The following ITPR3 variants were observed in gnomAD, a reference collection of about 807,000 sequenced individuals.
ITPR3 encodes the protein inositol 1,4,5-trisphosphate-gated calcium channel ITPR3.
A neutral mutation model predicts 293.2 loss-of-function variants in ITPR3; 173 were observed. That is an observed-to-expected ratio of 0.59 (90% CI 0.52 to 0.67). The LOEUF is 0.67. Among genes scored for constraint, ITPR3 ranks in the 30% least tolerant of loss-of-function variants. The probability of loss-of-function intolerance (pLI) is 0.00; values close to 1 mark genes in which losing one functional copy is unlikely to be tolerated. For synonymous variants in ITPR3, 1,295 were observed against 1,444.4 expected, an observed-to-expected ratio of 0.90 and a Z score of 2.35; for missense variants, 2,796 against 3,592.1, an observed-to-expected ratio of 0.78 and a Z score of 5.66.
chr6:33,682,699 TG>T lies in ITPR3; in HGVS notation c.4597+59del. Reference sequence around the variant, plus strand: ...AAACCACTCCTCCTGCCGCTCACAGTGGGGACGCCTGCCCTCCTAATAAACA... The same window carrying T: ...AAACCACTCCTCCTGCCGCTCACAGTGGGACGCCTGCCCTCCTAATAAACA... On this transcript the variant is annotated intron_variant, in intron 34 of 57. Transcript: ENST00000605930. This position sits in a 1 kb window ranked among gnomAD's most constrained non-coding sequence, Gnocchi z 5.4. The T allele has an allele frequency of 1.3e-6, 2 of 1,549,864 alleles. No individual in the cohort carries two copies. Among genetic ancestry groups the T allele is most frequent in the Non-Finnish European group, 8.7e-7 (1 of 1,156,046 alleles).
chr6:33,668,486 C>G, intron 16 of ITPR3, 29 bp from the exon 17 acceptor site: 1 of 1,613,980 alleles, frequency 6.2e-7, no homozygotes, highest in Non-Finnish European at 8.5e-7. Context: ...CTGAGACCCT[C>G]TTCCCACCGC....
chr6:33,658,842 C>A lies in ITPR3; in HGVS notation c.528+14C>A, dbSNP rs369289115. 1.9e-6 allele frequency: 3 copies of A among 1,613,770 alleles called. No individual in the cohort carries two copies. The South Asian group carries it at 3.3e-5, about 18-fold the overall frequency. ...AACGGGGACAACGTGAGGGCAGGGC[C>A]AGGGTTGGAGGGGCCTGGTGGAACT... On this transcript the variant is annotated intron_variant, in intron 5 of 57. Coordinates refer to ENST00000605930, the MANE Select transcript of ITPR3 (RefSeq NM_002224.4). This position sits in a 1 kb window ranked among gnomAD's most constrained non-coding sequence, Gnocchi z 6.1.
At position 33,664,863 on chromosome 6, in the gene ITPR3, C is replaced by A. The variant is rs760177206; in HGVS notation, c.1149-7C>A. ...CCCCGAGTCCTTTCCCTCCCACCCA[C>A]CTGCAGGAACTCGTACGTCCGGCTG... On this transcript the variant is annotated splice_polypyrimidine_tract_variant and splice_region_variant and intron_variant, in intron 11 of 57. Transcript: ENST00000605930. The surrounding 1 kb of genome is among the most constrained non-coding windows in gnomAD (Gnocchi z 4.4). 23 of 1,613,176 alleles carry A rather than the reference C, an allele frequency of 1.4e-5. No individual in the cohort carries two copies. The highest frequency in any genetic ancestry group is 1.9e-5 in the Non-Finnish European group (23 of 1,179,782).
Position 33,621,345 on chromosome 6 carries a change from G to A in ITPR3, c.-258G>A, listed in dbSNP as rs966944378. On this transcript the variant is annotated 5_prime_UTR_variant, in exon 1 of 58. Transcript: ENST00000605930. The surrounding 1 kb of genome is among the most constrained non-coding windows in gnomAD (Gnocchi z 7.7). ...CCAGACTTCCTGCTCCTTCTACGCT[G>A]CAGGTACGCGCGGGCCGGGCGGGGC... 8 of 217,938 alleles carry A rather than the reference G, an allele frequency of 3.7e-5. No homozygotes were observed. Among genetic ancestry groups the A allele is most frequent in the Non-Finnish European group, 7.1e-5 (8 of 112,426 alleles). The allele number at this position is 217,938 out of a possible 1,614,324, so 13.5% of individuals were successfully genotyped here.
At position 33,684,270 on chromosome 6, in the gene ITPR3, G is replaced by T. The variant is rs1765163005; in HGVS notation, c.4938-87G>T. 1.9e-6 allele frequency: 3 copies of T among 1,591,530 alleles called. No individual in the cohort carries two copies. The South Asian group carries it at 3.3e-5, about 18-fold the overall frequency. On this transcript the variant is annotated intron_variant, in intron 36 of 57. Transcript: ENST00000605930. This position sits in a 1 kb window ranked among gnomAD's most constrained non-coding sequence, Gnocchi z 4.2. ...CAGGCTCACTGGGTCAGAGGGCCTG[G>T]GGGTGTTCCTGCCTGGGATGGGGTG...
At chr6:33,637,012 T>C (rs899553319) in intron 1 of ITPR3, among the ~76,000 whole-genome samples, 10 of 152,206 alleles carry the variant, frequency 6.6e-5, no homozygotes, top group African/African-American at 9.7e-5. Flanking sequence ...AACATCTCTA[T>C]ACCCTGGTTT....
At position 33,683,692 on chromosome 6, in the gene ITPR3, G is replaced by A. The variant is rs545493072; in HGVS notation, c.4788+295G>A. 3.9e-5 allele frequency among the ~76,000 whole-genome samples: 6 copies of A among 152,314 alleles called. No homozygotes were observed. In the South Asian group the frequency reaches 1.2e-3, roughly 32 times the overall value. On this transcript the variant is annotated intron_variant, in intron 35 of 57. Transcript: ENST00000605930. The surrounding 1 kb of genome is among the most constrained non-coding windows in gnomAD (Gnocchi z 4.5). ...ACTCCTGCAGCGCCCTCCTGTCTAT[G>A]CAGCACATTTCTGTGCGCTGTCTCG... is the stretch of plus-strand genomic sequence containing the variant.
chr6:33,655,768 T>C lies in ITPR3; in HGVS notation c.163T>C (p.Cys55Arg). ...LDNPPKKFRD[C>R]LFKVCPMNRY... ...ACCCCCAACCTGCCCCACCACAGACTGCCTCTTCAAGGTGTGCCCCATGAA... is the reference window on the plus strand; with the variant it reads ...ACCCCCAACCTGCCCCACCACAGACCGCCTCTTCAAGGTGTGCCCCATGAA... The change falls in exon 3 of 58, where the codon TGC (cysteine) becomes CGC (arginine). Residue 55 changes from cysteine to arginine, a missense_variant and splice_region_variant. Cys to Arg is a radical substitution (Grantham distance 180, BLOSUM62 -3). Transcript: ENST00000605930. This position sits in a 1 kb window ranked among gnomAD's most constrained non-coding sequence, Gnocchi z 4.9. 2 of 1,614,048 alleles carry C rather than the reference T, an allele frequency of 1.2e-6. No homozygotes were observed. Among genetic ancestry groups the C allele is most frequent in the Non-Finnish European group, 1.7e-6 (2 of 1,179,958 alleles).
At chr6:33,657,878 TC>T (rs1764351429) in intron 3 of ITPR3, 53 bp from the exon 4 acceptor site, 1 of 1,500,968 alleles carries the variant, frequency 6.7e-7, no homozygotes, top group Non-Finnish European at 9.2e-7. Context: ...GGGTATGTCT[TC>T]CTCTAGGAGC....
chr6:33,660,932 A>G (rs1764446612), intron 7 of ITPR3, among the ~76,000 whole-genome samples: 1 of 150,476 alleles, frequency 6.6e-6, no homozygotes, highest in Non-Finnish European at 1.5e-5. Flanking sequence ...CTCCTTCTCA[A>G]AAAAAACAAA....
intron 50 of ITPR3, 58 bp from the exon 51 acceptor site, chr6:33,689,976 G>A (rs1241476754): frequency 5.6e-6 from 9 of 1,597,632 alleles, no homozygotes; most frequent in South Asian, 2.2e-5. Flanking sequence ...GGGGACATGC[G>A]TGCAGATTCA....
rs375181030 is a variant in ITPR3 at position 33,685,640 on chromosome 6, C to T, written c.5483-3C>T. The T allele has an allele frequency of 1.5e-5, 24 of 1,582,312 alleles. No homozygotes were observed. Among genetic ancestry groups the T allele is most frequent in the Admixed American group, 8.6e-5 (5 of 58,338 alleles). On this transcript the variant is annotated splice_region_variant and splice_polypyrimidine_tract_variant and intron_variant, in intron 40 of 57. Coordinates refer to ENST00000605930, the MANE Select transcript of ITPR3 (RefSeq NM_002224.4). ...CTCCAGCCTCACCAGGTCTCGCCCA[C>T]AGGCCGCGTGGCCTCCTTCTCGATA...
Position 33,633,765 on chromosome 6 carries a change from C to T in ITPR3, c.90-6719C>T, listed in dbSNP as rs1234894181. Among the ~76,000 whole-genome samples the T allele has an allele frequency of 1.8e-5, 2 of 111,478 alleles. No homozygotes were observed. Among genetic ancestry groups the T allele is most frequent in the Non-Finnish European group, 3.8e-5 (2 of 53,238 alleles). 73.1% of individuals were successfully genotyped at this position (111,478 alleles called of 152,430 possible). On this transcript the variant is annotated intron_variant, in intron 1 of 57. Transcript: ENST00000605930. The surrounding 1 kb of genome is among the most constrained non-coding windows in gnomAD (Gnocchi z 5.2). ...TTCGCCGCGGGGGCGGGGGCGGGGC[C>T]GGGGCCGGGGCCGGACGCCCGGAGC...
Position 33,680,571 on chromosome 6 carries a change from A to G in ITPR3, c.4367A>G (p.Glu1456Gly), listed in dbSNP as rs762588237. The part of the protein sequence containing the change: ...LDMARVCSKR[E>G]KRVADPTLEK... ...CTGCCTCAGGTCTGCAGCAAGCGTG[A>G]GAAGCGCGTGGCTGACCCCACCTTG... Residue 1456 changes from glutamate (E) to glycine (G), a missense_variant, in exon 33 of 58, where the codon GAG becomes GGG. By Grantham distance (98) the Glu-to-Gly change is moderately conservative. This residue lies in a region of ITPR3 where 344 missense variants were observed against 460.3 expected (regional missense o/e 0.75). Transcript: ENST00000605930. 1.2e-6 allele frequency: 2 copies of G among 1,613,998 alleles called. No homozygotes were observed. Among genetic ancestry groups the G allele is most frequent in the East Asian group, 4.5e-5 (2 of 44,862 alleles).
At position 33,684,412 on chromosome 6, in the gene ITPR3, G is replaced by A; in HGVS notation, c.4993G>A (p.Val1665Met). 1 of 1,614,118 alleles carries A rather than the reference G, an allele frequency of 6.2e-7. No homozygotes were observed. The highest frequency in any genetic ancestry group is 8.5e-7 in the Non-Finnish European group (1 of 1,179,996). The change falls in exon 37 of 58, where the codon GTG becomes ATG. Residue 1665 changes from valine (V) to methionine (M), a missense_variant. Coordinates refer to ENST00000605930, the MANE Select transcript of ITPR3 (RefSeq NM_002224.4). The surrounding 1 kb of genome is among the most constrained non-coding windows in gnomAD (Gnocchi z 4.2). Reference sequence around the variant, plus strand: ...GTCGGAGGAGAAGCTGTGCATCAAGGTGCTGCGGACCCTGCAGCAGATGCT... The same window carrying A: ...GTCGGAGGAGAAGCTGTGCATCAAGATGCTGCGGACCCTGCAGCAGATGCT... ...MESEEKLCIKVLRTLQQMLLK... is the reference protein window; with the variant it reads ...MESEEKLCIKMLRTLQQMLLK...
Position 33,693,612 on chromosome 6 carries a change from CAT to C in ITPR3, c.7693_7694del (p.Met2565ValfsTer22). The part of the protein sequence containing the change: ...FEEHIKLEHN[M>X]WNYLYFIVLV... Reference sequence around the variant, plus strand: ...AGGAACACATCAAGCTGGAGCACAACATGTGGAACTACTTGTACTTCATTGTG... The same window carrying C: ...AGGAACACATCAAGCTGGAGCACAACGTGGAACTACTTGTACTTCATTGTG... On this transcript the variant is annotated frameshift_variant, in exon 56 of 58. Transcript: ENST00000605930. LOFTEE classifies it high-confidence loss of function. The C allele has an allele frequency of 6.2e-7, 1 of 1,614,186 alleles. No homozygotes were observed. Among genetic ancestry groups the C allele is most frequent in the Non-Finnish European group, 8.5e-7 (1 of 1,179,998 alleles).
chr6:33,660,202 G>A (rs1263427854), intron 7 of ITPR3, among the ~76,000 whole-genome samples: 1 of 152,128 alleles, frequency 6.6e-6, no homozygotes, highest in Non-Finnish European at 1.5e-5. Flanking sequence ...ACCAGCAGAC[G>A]GGGTGTAGAC....
At chr6:33,662,873 C>A (rs1167713009) in intron 8 of ITPR3, 38 bp from the exon 9 acceptor site, 1 of 1,554,452 alleles carries the variant, frequency 6.4e-7, no homozygotes, top group Non-Finnish European at 8.7e-7. Flanking sequence ...CATGCCTGTC[C>A]AGTCTCTCCT....
At chr6:33,681,436 G>A (rs1313257981) in intron 33 of ITPR3, among the ~76,000 whole-genome samples, 1 of 152,172 alleles carries the variant, frequency 6.6e-6, no homozygotes, top group Non-Finnish European at 1.5e-5. Flanking sequence ...CCTTCTGAAG[G>A]CCTAAGCAGA....
Sources: allele counts gnomAD v4.1 joint callset (sites outside exome capture counted in the v4.1 genomes callset), GRCh38; gene constraint gnomAD v4.1.1; regional missense constraint gnomAD v4.1.1; non-coding constraint Gnocchi (gnomAD v3.1); transcripts MANE v1.5; gene names NCBI Gene and HGNC (gene_info 2026-07-23, HGNC 2026-07-21).